NHSL1: variants seen among roughly 807,000 people sequenced by gnomAD.
NHSL1 encodes NHS like 1.
Under a neutral mutation model 95.0 loss-of-function variants are expected in NHSL1, and 48 were observed. The ratio of observed to expected loss-of-function variants is 0.51; its 90% CI spans 0.40 to 0.64. The LOEUF (loss-of-function observed/expected upper bound fraction) is 0.64, where lower values mean the gene tolerates loss of function less well. NHSL1 is among the 30% of genes least tolerant of loss of function. The pLI, the probability that NHSL1 is intolerant of heterozygous loss-of-function variation, is 0.00. For missense variants in NHSL1, 1,971 were observed against 2,077.7 expected, an observed-to-expected ratio of 0.95 and a Z score of 1.00; for synonymous variants, 783 against 833.9, an observed-to-expected ratio of 0.94 and a Z score of 1.05.
chr6:138,644,278 C>G (rs9495176), intron 1 of NHSL1, among the ~76,000 whole-genome samples: 4,304 of 152,050 alleles, frequency 0.028, 205 homozygotes, highest in African/African-American at 0.098. Flanking sequence ...TGAGGAAGGT[C>G]GGTCACGAGG....
rs1351309677 is a variant in NHSL1, at chr6:138,457,364, T to C, written c.340-10171A>G. On this transcript the variant is annotated intron_variant, in intron 3 of 7. Transcript: ENST00000343505. ...GGATCTCGTTAGCAAAACATCTTTC[T>C]TCATAACATAACACATAGAGTCCTA... Among the ~76,000 whole-genome samples the C allele has an allele frequency of 5.9e-5, 5 of 85,086 alleles. No individual in the cohort carries two copies. In the East Asian group the frequency reaches 1.6e-3, roughly 27 times the overall value. The allele number at this position is 85,086 out of a possible 152,430, so 55.8% of individuals were successfully genotyped here. A position where few individuals can be genotyped will look rare whatever the true frequency, so the allele number is the denominator to read the frequency against.
chr6:138,448,481 C>G (rs776265395), intron 3 of NHSL1, among the ~76,000 whole-genome samples: 17 of 152,182 alleles, frequency 1.1e-4, no homozygotes, highest in Non-Finnish European at 2.1e-4. Context: ...AATACCTGTA[C>G]AACCAGCACC....
rs1458168564 is a variant in NHSL1 at position 138,473,452 on chromosome 6, G to A, written c.212-19C>T. 1.4e-6 allele frequency: 2 copies of A among 1,388,742 alleles called. No individual in the cohort carries two copies. The highest frequency in any genetic ancestry group is 9.4e-7 in the Non-Finnish European group (1 of 1,060,266). 86.0% of individuals were successfully genotyped at this position (1,388,742 alleles called of 1,614,324 possible). On this transcript the variant is annotated intron_variant, in intron 2 of 7. Coordinates refer to ENST00000343505, the MANE Select transcript of NHSL1 (RefSeq NM_001144060.2). Reference sequence around the variant, plus strand: ...TCGCATTCTGCAGAGGGGCACGCAGGGAGGGGAAGGAGGCCATTAAAAAGC... The same window carrying A: ...TCGCATTCTGCAGAGGGGCACGCAGAGAGGGGAAGGAGGCCATTAAAAAGC...
intron 1 of NHSL1, among the ~76,000 whole-genome samples, chr6:138,538,168 GA>G (rs1381603657): frequency 1.3e-5 from 2 of 152,002 alleles, no homozygotes; most frequent in Non-Finnish European, 2.9e-5. Context: ...ACTTTTCCAG[GA>G]AAAAAGAAGG....
intron 4 of NHSL1, among the ~76,000 whole-genome samples, chr6:138,442,772 A>AG: frequency 1.3e-5 from 2 of 152,314 alleles, no homozygotes; most frequent in Admixed American, 1.3e-4. Flanking sequence ...TACTTTTTAA[A>AG]GTTGATCTTA....
upstream of NHSL1, among the ~76,000 whole-genome samples, chr6:138,574,367 C>T (rs940433136): frequency 3.9e-5 from 6 of 152,054 alleles, no homozygotes; most frequent in African/African-American, 1.4e-4. Context: ...AAAAAAAGAC[C>T]ATCTCACCAG....
intron 1 of NHSL1, among the ~76,000 whole-genome samples, chr6:138,659,709 CGTTTTTTTTTT>C (rs920082004): frequency 2.8e-5 from 4 of 142,178 alleles, no homozygotes; most frequent in African/African-American, 1.1e-4. Context: ...TTTCCTACCA[CGTTTTTTTTTT>C]GTTTTTTTTT....
At chr6:138,618,697 C>A (rs897679140) in intron 1 of NHSL1, among the ~76,000 whole-genome samples, 2 of 152,060 alleles carry the variant, frequency 1.3e-5, no homozygotes, top group Non-Finnish European at 2.9e-5. Flanking sequence ...CTTCTTCTTT[C>A]TTCTGCCTAT....
At chr6:138,426,186 T>C (rs1775250837) in intron 7 of NHSL1, among the ~76,000 whole-genome samples, 1 of 152,198 alleles carries the variant, frequency 6.6e-6, no homozygotes, top group Non-Finnish European at 1.5e-5. Flanking sequence ...AAGACGTGGG[T>C]ATATCTCTTT....
intron 5 of NHSL1, among the ~76,000 whole-genome samples, chr6:138,441,758 A>C (rs1318406971): frequency 6.6e-6 from 1 of 152,178 alleles, no homozygotes; most frequent in Non-Finnish European, 1.5e-5. Context: ...TTTTCATGTA[A>C]GCTCTTCCTT....
chr6:138,657,682 G>A (rs1312106367), intron 1 of NHSL1, among the ~76,000 whole-genome samples: 3 of 151,620 alleles, frequency 2.0e-5, no homozygotes, highest in Non-Finnish European at 2.9e-5. Context: ...GGGCTTGGTG[G>A]CGGGCGCCTG....
Position 138,431,565 on chromosome 6 carries a change from G to T in NHSL1, c.2780C>A (p.Pro927His), listed in dbSNP as rs745649185. Residue 927 changes from proline (P) to histidine (H), a missense_variant, in exon 6 of 8, where the codon CCC becomes CAC. Physicochemically the swap from Pro to His is moderately conservative, Grantham distance 77 (BLOSUM62 -2). Around this residue, in one of 3 missense-constraint regions of NHSL1, gnomAD observed 1,602 missense variants for 1,654.5 expected, o/e 0.97. Coordinates refer to ENST00000343505, the MANE Select transcript of NHSL1 (RefSeq NM_001144060.2). The surrounding 1 kb of genome is among the most constrained non-coding windows in gnomAD (Gnocchi z 4.0). ...MKKLDPAVGS[P>H]PAPPPPPVPS... ...AACAGGAGGAGGAGGAGGAGCCGGG[G>T]GAGAGCCCACGGCTGGATCCAGCTT... 7.7e-6 allele frequency: 12 copies of T among 1,551,446 alleles called. 1 individual carries two copies. The South Asian group carries it at 1.4e-4, about 18-fold the overall frequency.
Position 138,657,252 on chromosome 6 carries a change from G to A in NHSL1, c.96+35224C>T, listed in dbSNP as rs77772331. ...TCAGGACCTGGCTCCTCCTATTTTG[G>A]AAGATCCACAGATCCTGGCAGGCTG... is the stretch of plus-strand genomic sequence containing the variant. On this transcript the variant is annotated intron_variant, in intron 1 of 3. Transcript: ENST00000491526. 4.4e-3 allele frequency among the ~76,000 whole-genome samples: 675 copies of A among 152,310 alleles called. 13 individuals are homozygous for A. The East Asian group carries it at 0.074, about 17-fold the overall frequency.
intron 3 of NHSL1, among the ~76,000 whole-genome samples, chr6:138,459,935 G>A (rs1777883144): frequency 1.3e-5 from 2 of 152,076 alleles, no homozygotes; most frequent in Non-Finnish European, 2.9e-5. Context: ...TTCTTTTAAT[G>A]AGCTGTCAGA....
At chr6:138,566,399 AAATCAATC>A (rs61127642) in intron 1 of NHSL1, among the ~76,000 whole-genome samples, 8 of 149,872 alleles carry the variant, frequency 5.3e-5, no homozygotes, top group East Asian at 1.9e-4. Flanking sequence ...CTCTGTCTCA[AAATCAATC>A]AATCAATCAA....
At chr6:138,449,818 A>T (rs1777116452) in intron 3 of NHSL1, among the ~76,000 whole-genome samples, 1 of 152,248 alleles carries the variant, frequency 6.6e-6, no homozygotes, top group South Asian at 2.1e-4. Flanking sequence ...GGAAAAGATA[A>T]ATCATATAAT....
intron 1 of NHSL1, among the ~76,000 whole-genome samples, chr6:138,556,548 A>G (rs1783201839): frequency 6.7e-6 from 1 of 150,264 alleles, no homozygotes; most frequent in East Asian, 1.9e-4. Context: ...AAATCAAAAT[A>G]CTCATTGAGC....
chr6:138,472,550 T>C (rs1278266945), intron 3 of NHSL1, among the ~76,000 whole-genome samples: 1 of 152,246 alleles, frequency 6.6e-6, no homozygotes, highest in Non-Finnish European at 1.5e-5. Flanking sequence ...AAGTTTTTAA[T>C]TAATTAAAAA....
At chr6:138,559,790 C>A (rs1783344049) in intron 1 of NHSL1, among the ~76,000 whole-genome samples, 1 of 152,252 alleles carries the variant, frequency 6.6e-6, no homozygotes, top group South Asian at 2.1e-4. Flanking sequence ...TGTTTGATAA[C>A]ATAGAATAGA....
Sources: allele counts gnomAD v4.1 joint callset (sites outside exome capture counted in the v4.1 genomes callset), GRCh38; gene constraint gnomAD v4.1.1; regional missense constraint gnomAD v4.1.1; non-coding constraint Gnocchi (gnomAD v3.1); transcripts MANE v1.5; gene names NCBI Gene and HGNC (gene_info 2026-07-23, HGNC 2026-07-21).